Variants in PMM2 observed in about 807,000 individuals in gnomAD.
PMM2 encodes the protein mannose-6-phosphate isomerase.
PMM2 carries 35 observed loss-of-function variants against 33.2 expected under a neutral mutation model. The observed-to-expected ratio is 1.06, with a 90% CI of 0.81 to 1.40. PMM2 has a LOEUF of 1.40. PMM2 is among the 40% of genes most tolerant of loss of function. The pLI, the probability that PMM2 is intolerant of heterozygous loss-of-function variation, is 0.00. For synonymous variants in PMM2, 153 were observed against 114.7 expected, an observed-to-expected ratio of 1.33 and a Z score of -2.13; for missense variants, 386 against 306.0, an observed-to-expected ratio of 1.26 and a Z score of -1.95.
chr16:8,833,034 T>TA, intron 7 of PMM2: 1 of 440,854 alleles, frequency 2.3e-6, no homozygotes, highest in Non-Finnish European at 3.0e-6. Context: ...GCCTGGCGGG[T>TA]AGAGGGTTTC....
intron 1 of PMM2, among the ~76,000 whole-genome samples, chr16:8,798,795 G>A (rs2060594310): frequency 6.6e-6 from 1 of 152,060 alleles, no homozygotes; most frequent in Non-Finnish European, 1.5e-5. Context: ...ACTTGAGACT[G>A]GACCCCAATG....
At chr16:8,804,622 T>C (rs1596485648) in intron 2 of PMM2, 145 bp from the exon 3 acceptor site, 2 of 675,062 alleles carry the variant, frequency 3.0e-6, no homozygotes, top group East Asian at 5.4e-5. Flanking sequence ...TTTTCCATAC[T>C]CTTCTCTTAG....
At position 8,820,351 on chromosome 16, in the gene PMM2, C is replaced by CTTTTTTTTTTTTT. The variant is rs545958069; in HGVS notation, c.639+7250_639+7262dup. 1.9e-4 allele frequency among the ~76,000 whole-genome samples: 25 copies of CTTTTTTTTTTTTT among 133,130 alleles called. 1 individual carries two copies. The highest frequency in any genetic ancestry group is 5.9e-4 in the African/African-American group (19 of 32,162). 87.3% of individuals were successfully genotyped at this position (133,130 alleles called of 152,430 possible). ...TCAGCCCAGTGAGGACACAGTTCTT[C>CTTTTTTTTTTTTT]TTTTTTTTTTTTTTTTTCCTGAGAC... On this transcript the variant is annotated intron_variant, in intron 7 of 7. Transcript: ENST00000268261.
At chr16:8,846,484 C>T (rs1197139068) in intron 7 of PMM2, among the ~76,000 whole-genome samples, 1 of 152,004 alleles carries the variant, frequency 6.6e-6, no homozygotes, top group African/African-American at 2.4e-5. Context: ...TCCTGCAGGG[C>T]TCGGGGTTGC....
intron 7 of PMM2, chr16:8,832,856 T>C: frequency 1.0e-6 from 1 of 985,448 alleles, no homozygotes; most frequent in Non-Finnish European, 1.2e-6. Context: ...ACATGGCCTG[T>C]GCCCTCACGT....
intron 7 of PMM2, among the ~76,000 whole-genome samples, chr16:8,827,719 C>CAT (rs60052078): frequency 0.063 from 4,128 of 65,822 alleles, 155 homozygotes; most frequent in African/African-American, 0.068. Flanking sequence ...TAAATGTGTG[C>CAT]ATATATATAT....
chr16:8,806,255 A>G, intron 3 of PMM2, 61 bp from the exon 4 acceptor site: 1 of 1,079,914 alleles, frequency 9.3e-7, no homozygotes, highest in Non-Finnish European at 1.4e-6. Flanking sequence ...TGGGTTTGCT[A>G]TGAAGCTGTT....
At chr16:8,799,635 C>T (rs1258878985) in intron 1 of PMM2, among the ~76,000 whole-genome samples, 1 of 152,088 alleles carries the variant, frequency 6.6e-6, no homozygotes, top group Non-Finnish European at 1.5e-5. Context: ...GCAACCTCCA[C>T]CTCCCAGGTT....
chr16:8,833,917 G>A (rs2060827251), intron 7 of PMM2, among the ~76,000 whole-genome samples: 1 of 152,084 alleles, frequency 6.6e-6, no homozygotes, highest in African/African-American at 2.4e-5. Flanking sequence ...GGAGATATCA[G>A]CTGTGATGGC....
At chr16:8,840,898 GCCTGGCGAATTT>G (rs1457810184) in intron 7 of PMM2, among the ~76,000 whole-genome samples, 2 of 152,046 alleles carry the variant, frequency 1.3e-5, no homozygotes, top group Non-Finnish European at 2.9e-5. Flanking sequence ...AAGCTTAGCA[GCCTGGCGAATTT>G]CCTGTCTAGC....
chr16:8,849,322 T>C lies in PMM2; in HGVS notation c.*1497T>C, dbSNP rs1182012899. On this transcript the variant is annotated 3_prime_UTR_variant, in exon 8 of 8. Coordinates refer to ENST00000268261, the MANE Select transcript of PMM2 (RefSeq NM_000303.3). ...GAGTAGCACATTAAAGTGATTTTAT[T>C]GTTTCCTGTTTCTCATTCCGATTTC... 6.6e-6 allele frequency: 1 copy of C among 152,358 alleles called. No homozygotes were observed. The highest frequency in any genetic ancestry group is 1.5e-5 in the Non-Finnish European group (1 of 68,030). 9.4% of individuals were successfully genotyped at this position (152,358 alleles called of 1,614,324 possible). A position where few individuals can be genotyped will look rare whatever the true frequency, so the allele number is the denominator to read the frequency against.
intron 7 of PMM2, among the ~76,000 whole-genome samples, chr16:8,827,865 TTATATATATGTTATATAA>T (rs1567164815): frequency 1.1e-5 from 1 of 91,220 alleles, no homozygotes; most frequent in Non-Finnish European, 2.3e-5. Flanking sequence ...ATGTTATATA[TTATATATATGTTATATAA>T]TATATGATAT....
intron 7 of PMM2, among the ~76,000 whole-genome samples, chr16:8,827,848 AATATATATGTT>A (rs2060783613): frequency 1.4e-5 from 1 of 69,916 alleles, no homozygotes; most frequent in Non-Finnish European, 3.0e-5. Flanking sequence ...TATAATATAT[AATATATATGTT>A]ATATATTATA....
rs545209034 is a variant in PMM2 at position 8,838,945 on chromosome 16, T to C, written c.640-8779T>C. Among the ~76,000 whole-genome samples, 6 of 151,924 alleles carry C rather than the reference T, an allele frequency of 3.9e-5. No individual in the cohort carries two copies. The East Asian group carries it at 1.2e-3, about 29-fold the overall frequency. ...CAGTGAGTAAGCAAGGCCTCGGTGG[T>C]TTTGGAGGACAACTGCAGCTAAAGA... On this transcript the variant is annotated intron_variant, in intron 7 of 7. Transcript: ENST00000268261.
In PMM2 at chr16:8,842,126, A is replaced by C. The variant is rs1474664012; in HGVS notation, c.640-5598A>C. 2 of 151,192 alleles carry C rather than the reference A, an allele frequency of 1.3e-5. 1 individual carries two copies. The highest frequency in any genetic ancestry group is 4.2e-4 in the South Asian group (2 of 4,776). 9.4% of individuals were successfully genotyped at this position (151,192 alleles called of 1,614,324 possible). ...AATTCTGACCGCACTAACCATGCCT[A>C]GGAAGGAAGGGAGTTGTTGTTTTGG... On this transcript the variant is annotated intron_variant, in intron 7 of 7. Transcript: ENST00000268261.
intron 7 of PMM2, chr16:8,842,081 G>A (rs1372908898): frequency 3.3e-5 from 5 of 150,152 alleles, no homozygotes; most frequent in East Asian, 3.9e-4. Context: ...TACAGGGTGT[G>A]GTCCTGGCTG....
chr16:8,799,042 T>C (rs1383694332), intron 1 of PMM2, among the ~76,000 whole-genome samples: 1 of 152,212 alleles, frequency 6.6e-6, no homozygotes, highest in African/African-American at 2.4e-5. Context: ...CCCATAGTGG[T>C]CTAAAACTCC....
At chr16:8,830,264 C>G (rs1340073755) in intron 7 of PMM2, among the ~76,000 whole-genome samples, 1 of 152,184 alleles carries the variant, frequency 6.6e-6, no homozygotes, top group Non-Finnish European at 1.5e-5. Flanking sequence ...CAAGGGAGAT[C>G]ACAGATGAGC....
chr16:8,840,762 G>A (rs2060884576), intron 7 of PMM2, among the ~76,000 whole-genome samples: 2 of 151,912 alleles, frequency 1.3e-5, no homozygotes, highest in Admixed American at 6.6e-5. Context: ...CAGCAGTCGG[G>A]GTACTATAGA....
Sources: gnomAD v4.1 joint callset for allele counts (sites outside exome capture counted in the v4.1 genomes callset) on GRCh38, gnomAD v4.1.1 for gene constraint, MANE v1.5 for transcripts, NCBI Gene and HGNC (gene_info 2026-07-23, HGNC 2026-07-21) for gene names.